The following SLC2A10 variants were observed in gnomAD, a reference collection of about 807,000 sequenced individuals.
The protein encoded by SLC2A10 is solute carrier family 2 member 10.
SLC2A10 carries 25 observed loss-of-function variants against 32.1 expected under a neutral mutation model. The ratio of observed to expected loss-of-function variants is 0.78; its 90% CI spans 0.57 to 1.09. The LOEUF (loss-of-function observed/expected upper bound fraction) is 1.09, where lower values mean the gene tolerates loss of function less well. Among genes scored for constraint, SLC2A10 ranks in the 50% least tolerant of loss-of-function variants. The probability of loss-of-function intolerance (pLI) is 0.00; values close to 1 mark genes in which losing one functional copy is unlikely to be tolerated. For synonymous variants in SLC2A10, 332 were observed against 309.6 expected, an observed-to-expected ratio of 1.07 and a Z score of -0.76; for missense variants, 673 against 686.5, an observed-to-expected ratio of 0.98 and a Z score of 0.22.
chr20:46,732,671 TTG>T (rs1980357899), intron 4 of SLC2A10, among the ~76,000 whole-genome samples: 2 of 152,252 alleles, frequency 1.3e-5, no homozygotes, highest in South Asian at 4.2e-4. Context: ...GGTGATATTT[TTG>T]TGTATCGGTT....
intron 1 of SLC2A10, among the ~76,000 whole-genome samples, chr20:46,719,999 A>C (rs1187274108): frequency 6.6e-6 from 1 of 152,312 alleles, no homozygotes; most frequent in South Asian, 2.1e-4. Flanking sequence ...ATTGCTTTAC[A>C]CTGTGCTAAG....
chr20:46,728,271 G>C (rs1338545853), intron 3 of SLC2A10, among the ~76,000 whole-genome samples: 1 of 152,180 alleles, frequency 6.6e-6, no homozygotes. Flanking sequence ...GATAGGTCCA[G>C]CTGGTCATGG....
rs139858464 is a variant in SLC2A10 at position 46,725,452 on chromosome 20, A to G, written c.416A>G (p.Tyr139Cys). 2.5e-5 allele frequency: 41 copies of G among 1,613,900 alleles called. No individual in the cohort carries two copies. The Admixed American group carries it at 2.7e-4, about 10-fold the overall frequency. Residue 139 changes from tyrosine to cysteine, a missense_variant, in exon 2 of 5, where the codon TAT becomes TGT. Physicochemically the swap from Tyr to Cys is radical, Grantham distance 194. Coordinates refer to ENST00000359271, the MANE Select transcript of SLC2A10 (RefSeq NM_030777.4). ...CAGCGGGGAGTGCTGGTGTCCCTCT[A>G]TGAGGCAGGCATCACCGTGGGCATC... ...PRQRGVLVSL[Y>C]EAGITVGILL...
chr20:46,732,221 G>C (rs1437933925), intron 4 of SLC2A10, among the ~76,000 whole-genome samples: 1 of 152,180 alleles, frequency 6.6e-6, no homozygotes, highest in East Asian at 1.9e-4. Context: ...TTGCCGAAAT[G>C]TTGTTTATTT....
Position 46,725,788 on chromosome 20 carries a change from T to G in SLC2A10, c.752T>G (p.Leu251Arg). The G allele has an allele frequency of 1.9e-6, 3 of 1,614,210 alleles. No homozygotes were observed. The highest frequency in any genetic ancestry group is 1.7e-6 in the Non-Finnish European group (2 of 1,180,020). ...CAACTAACAGGGCAGCCCAACGTGC[T>G]GTGCTATGCCTCCACCATCTTCAGC... ...FQQLTGQPNV[L>R]CYASTIFSSV... Residue 251 changes from leucine (L) to arginine (R), a missense_variant, in exon 2 of 5, where the codon CTG becomes CGG. Leu to Arg is a moderately radical substitution (Grantham distance 102). Transcript: ENST00000359271.
Position 46,736,046 on chromosome 20 carries a change from G to A in SLC2A10, c.*2212G>A, listed in dbSNP as rs1284763901. 1 of 151,802 alleles carries A rather than the reference G, an allele frequency of 6.6e-6. No individual in the cohort carries two copies. Among genetic ancestry groups the A allele is most frequent in the Non-Finnish European group, 1.5e-5 (1 of 68,000 alleles). 9.4% of individuals were successfully genotyped at this position (151,802 alleles called of 1,614,324 possible). Reference sequence around the variant, plus strand: ...TTTGTCAAATCATGGCCAAATCGCAGTGATAGTTGACTTTGGATACAAGGT... The same window carrying A: ...TTTGTCAAATCATGGCCAAATCGCAATGATAGTTGACTTTGGATACAAGGT... On this transcript the variant is annotated 3_prime_UTR_variant, in exon 5 of 5. Coordinates refer to ENST00000359271, the MANE Select transcript of SLC2A10 (RefSeq NM_030777.4).
At chr20:46,731,258 C>T (rs1980283563) in intron 4 of SLC2A10, among the ~76,000 whole-genome samples, 1 of 152,154 alleles carries the variant, frequency 6.6e-6, no homozygotes, top group South Asian at 2.1e-4. Flanking sequence ...AGGTGCACCC[C>T]CACATACCTG....
upstream of SLC2A10, among the ~76,000 whole-genome samples, chr20:46,709,020 A>G (rs1387249724): frequency 2.0e-5 from 3 of 152,154 alleles, no homozygotes; most frequent in African/African-American, 7.2e-5. Context: ...TCACTAGCTG[A>G]TATTTCTCAG....
chr20:46,710,102 C>G (rs1978820791), intron 1 of SLC2A10: 1 of 456,114 alleles, frequency 2.2e-6, no homozygotes, highest in African/African-American at 2.0e-5. Context: ...AGCAGTTCAT[C>G]GATTCGCTGA....
At chr20:46,723,770 C>T (rs1424578758) in intron 1 of SLC2A10, among the ~76,000 whole-genome samples, 1 of 152,204 alleles carries the variant, frequency 6.6e-6, no homozygotes, top group Non-Finnish European at 1.5e-5. Context: ...TGTCTGATTA[C>T]CTCAGTGATT....
rs191470468 is a variant in SLC2A10, at chr20:46,724,610, G to T, written c.5-431G>T. On this transcript the variant is annotated intron_variant, in intron 1 of 4. Transcript: ENST00000359271. ...AGTTAAATGGATGATTGAACAGATG[G>T]TGTAGATGGATGGTGGTTGGATGGA... Among the ~76,000 whole-genome samples, 422 of 151,246 alleles carry T rather than the reference G, an allele frequency of 2.8e-3. 2 individuals are homozygous for T. Among genetic ancestry groups the T allele is most frequent in the Non-Finnish European group, 5.4e-3 (363 of 67,830 alleles).
chr20:46,734,060 C>T lies in SLC2A10; in HGVS notation c.*226C>T. ...AGGTTCCTGAGGATCTAGCTTCATG[C>T]CTCAGTTTCCCCATTGACTTGCACA... On this transcript the variant is annotated 3_prime_UTR_variant, in exon 5 of 5. Coordinates refer to ENST00000359271, the MANE Select transcript of SLC2A10 (RefSeq NM_030777.4). The T allele has an allele frequency of 1.7e-6, 1 of 599,202 alleles. No individual in the cohort carries two copies. The highest frequency in any genetic ancestry group is 2.9e-5 in the East Asian group (1 of 35,074). The allele number at this position is 599,202 out of a possible 1,614,324, so 37.1% of individuals were successfully genotyped here.
chr20:46,727,846 T>C (rs972328132), intron 3 of SLC2A10, among the ~76,000 whole-genome samples: 1 of 152,170 alleles, frequency 6.6e-6, no homozygotes, highest in Non-Finnish European at 1.5e-5. Context: ...GGCACAGTTC[T>C]TAGGGTTCAG....
intron 1 of SLC2A10, among the ~76,000 whole-genome samples, chr20:46,714,213 C>A (rs1979092329): frequency 2.0e-5 from 3 of 152,134 alleles, no homozygotes; most frequent in Non-Finnish European, 1.5e-5. Context: ...AAGTAAAACA[C>A]CAGCTTGGCA....
intron 1 of SLC2A10, among the ~76,000 whole-genome samples, chr20:46,712,916 A>G (rs950322769): frequency 6.6e-6 from 1 of 151,138 alleles, no homozygotes; most frequent in East Asian, 1.9e-4. Context: ...TAGCCTCCCA[A>G]AGTATTGGGA....
chr20:46,717,510 T>C (rs560766106), intron 1 of SLC2A10, among the ~76,000 whole-genome samples: 1 of 152,104 alleles, frequency 6.6e-6, no homozygotes, highest in African/African-American at 2.4e-5. Flanking sequence ...CTCAGCCTCC[T>C]TGATAGCTGG....
intron 1 of SLC2A10, among the ~76,000 whole-genome samples, chr20:46,710,781 A>G (rs1483999039): frequency 6.6e-6 from 1 of 152,228 alleles, no homozygotes; most frequent in Non-Finnish European, 1.5e-5. Context: ...AGGGCTTTGT[A>G]AGCCGTGGTG....
chr20:46,710,548 G>A (rs568798398), intron 1 of SLC2A10: 1 of 152,488 alleles, frequency 6.6e-6, no homozygotes, highest in East Asian at 1.9e-4. Flanking sequence ...CAAGGGCGTG[G>A]GTTCCTTGGG....
chr20:46,728,980 C>G lies in SLC2A10; in HGVS notation c.1412-373C>G, dbSNP rs374925787. ...TTTTCAAACTGAGATTTGCCAAGGC[C>G]GTGTCCATGCAGCTGTTTGGCCACT... On this transcript the variant is annotated intron_variant, in intron 3 of 4. Coordinates refer to ENST00000359271, the MANE Select transcript of SLC2A10 (RefSeq NM_030777.4). Among the ~76,000 whole-genome samples, 9 of 152,010 alleles carry G rather than the reference C, an allele frequency of 5.9e-5. 1 individual carries two copies. Among genetic ancestry groups the G allele is most frequent in the African/African-American group, 1.9e-4 (8 of 41,478 alleles).
Sources: allele counts gnomAD v4.1 joint callset (sites outside exome capture counted in the v4.1 genomes callset), GRCh38; gene constraint gnomAD v4.1.1; transcripts MANE v1.5; gene names NCBI Gene and HGNC (gene_info 2026-07-23, HGNC 2026-07-21).